The following CDK6 variants were observed in gnomAD, a reference collection of about 807,000 sequenced individuals.
The protein encoded by CDK6 is cyclin-dependent kinase 6.
Under a neutral mutation model 37.1 loss-of-function variants are expected in CDK6, and 6 were observed. That is an observed-to-expected ratio of 0.16 (90% CI 0.09 to 0.32). The LOEUF is 0.32. Ranked by LOEUF, CDK6 falls within the 10% of genes least tolerant of loss-of-function variation. The pLI is 1.00. For missense variants in CDK6, 224 were observed against 418.9 expected, an observed-to-expected ratio of 0.53 and a Z score of 4.06; for synonymous variants, 160 against 161.3, an observed-to-expected ratio of 0.99 and a Z score of 0.06.
At chr7:92,747,742 A>G (rs1035562580) in intron 3 of CDK6, among the ~76,000 whole-genome samples, 2 of 152,082 alleles carry the variant, frequency 1.3e-5, no homozygotes, top group Non-Finnish European at 2.9e-5. Flanking sequence ...TGTGGTGGCT[A>G]TTTCTCTATG....
intron 5 of CDK6, among the ~76,000 whole-genome samples, chr7:92,646,301 T>G (rs1464966860): frequency 6.6e-6 from 1 of 152,224 alleles, no homozygotes; most frequent in Admixed American, 6.5e-5. Context: ...CTCATGTAAG[T>G]TATAACCTCC....
intron 3 of CDK6, among the ~76,000 whole-genome samples, chr7:92,750,981 G>A (rs1012947846): frequency 3.3e-5 from 5 of 152,072 alleles, no homozygotes; most frequent in East Asian, 1.9e-4. Context: ...CTGTACAGAC[G>A]TCATATTTGA....
At chr7:92,651,994 T>C (rs1796585295) in intron 5 of CDK6, among the ~76,000 whole-genome samples, 1 of 152,202 alleles carries the variant, frequency 6.6e-6, no homozygotes, top group African/African-American at 2.4e-5. Flanking sequence ...ATAACATGAA[T>C]GAGAGTCAAC....
At chr7:92,653,341 G>A (rs1430078940) in intron 5 of CDK6, among the ~76,000 whole-genome samples, 1 of 152,150 alleles carries the variant, frequency 6.6e-6, no homozygotes, top group African/African-American at 2.4e-5. Flanking sequence ...TGCATCTCAG[G>A]GCTCCTGTTT....
At chr7:92,734,035 C>T (rs1027144768) in intron 3 of CDK6, among the ~76,000 whole-genome samples, 4 of 152,130 alleles carry the variant, frequency 2.6e-5, no homozygotes, top group Non-Finnish European at 4.4e-5. Flanking sequence ...TATGAACTGA[C>T]TTCAGAATCA....
intron 3 of CDK6, among the ~76,000 whole-genome samples, chr7:92,770,973 A>G (rs1338533763): frequency 1.3e-5 from 2 of 152,102 alleles, no homozygotes; most frequent in Non-Finnish European, 2.9e-5. Context: ...ATGGTAGCTC[A>G]TGCCTGTAAT....
chr7:92,647,248 A>C (rs1411391179), intron 5 of CDK6, among the ~76,000 whole-genome samples: 2 of 152,256 alleles, frequency 1.3e-5, no homozygotes, highest in African/African-American at 4.8e-5. Flanking sequence ...ACAGGTTTTA[A>C]GCCAGAAAAC....
intron 2 of CDK6, among the ~76,000 whole-genome samples, chr7:92,780,570 C>T (rs1204552829): frequency 1.3e-5 from 2 of 151,880 alleles, no homozygotes; most frequent in African/African-American, 4.8e-5. Context: ...ACCAACCTGG[C>T]TAACACGGTG....
At chr7:92,702,687 A>G (rs1705915054) in intron 4 of CDK6, among the ~76,000 whole-genome samples, 1 of 152,110 alleles carries the variant, frequency 6.6e-6, no homozygotes, top group African/African-American at 2.4e-5. Flanking sequence ...TTTCTCCTCC[A>G]CTACCCACAG....
chr7:92,708,846 C>T (rs1160306938), intron 4 of CDK6, among the ~76,000 whole-genome samples: 1 of 152,084 alleles, frequency 6.6e-6, no homozygotes, highest in Non-Finnish European at 1.5e-5. Context: ...GGAGAAATTA[C>T]TATACATATT....
At chr7:92,684,374 G>C (rs1797403208) in intron 4 of CDK6, among the ~76,000 whole-genome samples, 1 of 152,188 alleles carries the variant, frequency 6.6e-6, no homozygotes, top group South Asian at 2.1e-4. Context: ...AACAAAAGAA[G>C]TTGTTTTTCT....
chr7:92,688,596 C>T (rs1323897884), intron 4 of CDK6, among the ~76,000 whole-genome samples: 1 of 149,358 alleles, frequency 6.7e-6, no homozygotes, highest in Non-Finnish European at 1.5e-5. Context: ...CACACACACA[C>T]ACACACACAC....
intron 5 of CDK6, among the ~76,000 whole-genome samples, chr7:92,654,643 CGA>C (rs1796649286): frequency 6.6e-6 from 1 of 151,942 alleles, no homozygotes; most frequent in Non-Finnish European, 1.5e-5. Flanking sequence ...GCGTCTTACC[CGA>C]GAGAGCAAAA....
At chr7:92,693,581 A>T (rs1416791805) in intron 4 of CDK6, among the ~76,000 whole-genome samples, 2 of 152,106 alleles carry the variant, frequency 1.3e-5, no homozygotes, top group Non-Finnish European at 2.9e-5. Flanking sequence ...ACATGTTTTA[A>T]TTTTTCATAA....
At chr7:92,643,378 A>G (rs745804385) in intron 5 of CDK6, among the ~76,000 whole-genome samples, 13 of 152,218 alleles carry the variant, frequency 8.5e-5, no homozygotes, top group Non-Finnish European at 1.6e-4. Flanking sequence ...TCACTCATTC[A>G]GCACATTTGG....
At chr7:92,741,976 A>G (rs909214243) in intron 3 of CDK6, among the ~76,000 whole-genome samples, 2 of 152,176 alleles carry the variant, frequency 1.3e-5, no homozygotes, top group Non-Finnish European at 2.9e-5. Context: ...AATAAGTTTT[A>G]TGCTTTTAAT....
At chr7:92,781,398 T>C (rs1740280856) in intron 2 of CDK6, among the ~76,000 whole-genome samples, 1 of 152,242 alleles carries the variant, frequency 6.6e-6, no homozygotes, top group Non-Finnish European at 1.5e-5. Context: ...ATCCTACCCA[T>C]TGTAATTCTT....
chr7:92,614,886 T>A lies in CDK6; in HGVS notation c.*254A>T, dbSNP rs1795639448. 1 of 419,372 alleles carries A rather than the reference T, an allele frequency of 2.4e-6. No individual in the cohort carries two copies. Among genetic ancestry groups the A allele is most frequent in the East Asian group, 3.4e-5 (1 of 29,644 alleles). 26.0% of individuals were successfully genotyped at this position (419,372 alleles called of 1,614,324 possible). ...AATTGGTCAGCAGCTTCTCTTCTTC[T>A]GGAATTTTTCCAGGTTCTTGAAACA... On this transcript the variant is annotated 3_prime_UTR_variant, in exon 8 of 8. Transcript: ENST00000424848.
intron 4 of CDK6, among the ~76,000 whole-genome samples, chr7:92,682,974 T>C (rs951924398): frequency 3.9e-5 from 6 of 152,242 alleles, no homozygotes; most frequent in African/African-American, 1.4e-4. Flanking sequence ...TAAACGTCTA[T>C]TATGTTTAAA....
Sources: allele counts gnomAD v4.1 joint callset (sites outside exome capture counted in the v4.1 genomes callset), GRCh38; gene constraint gnomAD v4.1.1; transcripts MANE v1.5; gene names NCBI Gene and HGNC (gene_info 2026-07-23, HGNC 2026-07-21).